Variants in PHACTR2 observed in about 807,000 individuals in gnomAD.
PHACTR2 encodes chromosome 6 open reading frame 56.
Under a neutral mutation model 76.0 loss-of-function variants are expected in PHACTR2, and 30 were observed. The observed-to-expected ratio is 0.39, with a 90% CI of 0.30 to 0.54. The LOEUF (loss-of-function observed/expected upper bound fraction) is 0.54. PHACTR2 is among the 20% of genes least tolerant of loss of function. The pLI, the probability that PHACTR2 is intolerant of heterozygous loss-of-function variation, is 0.61. For synonymous variants in PHACTR2, 292 were observed against 292.5 expected (o/e 1.00, Z 0.02); for missense variants, 696 against 781.1 (o/e 0.89, Z 1.30).
At chr6:143,538,195 C>G (rs902792468) in intron 1 of PHACTR2, among the ~76,000 whole-genome samples, 10 of 152,338 alleles carry the variant, frequency 6.6e-5, no homozygotes, top group African/African-American at 2.2e-4. Flanking sequence ...GCCCCGTGCA[C>G]CGGGACCGAC....
rs898199645 is a variant in PHACTR2, at chr6:143,783,388, T to C, written c.1707+108T>C. 10 of 642,858 alleles carry C rather than the reference T, an allele frequency of 1.6e-5. No individual in the cohort carries two copies. The highest frequency in any genetic ancestry group is 4.3e-4 in the Middle Eastern group (1 of 2,344). The allele number at this position is 642,858 out of a possible 1,614,324, so 39.8% of individuals were successfully genotyped here. ...AAATCAGATGTTTAGAAATAATTAT[T>C]CCTATTAGTCTATAATCATAGACAT... On this transcript the variant is annotated intron_variant, in intron 10 of 12. Coordinates refer to ENST00000440869, the MANE Select transcript of PHACTR2 (RefSeq NM_001100164.2). The surrounding 1 kb of genome is among the most constrained non-coding windows in gnomAD (Gnocchi z 5.2).
In PHACTR2 at chr6:143,689,658, A is replaced by G. The variant is rs1270091674; in HGVS notation, c.46+11449A>G. ...CCCATTTCAGAATCATACATTTCCT[A>G]TTATTTCCCATTTTCCCATTTTCTC... On this transcript the variant is annotated intron_variant, in intron 1 of 12. Coordinates refer to ENST00000440869, the MANE Select transcript of PHACTR2 (RefSeq NM_001100164.2). This position sits in a 1 kb window ranked among gnomAD's most constrained non-coding sequence, Gnocchi z 4.4. Among the ~76,000 whole-genome samples, 1 of 148,714 alleles carries G rather than the reference A, an allele frequency of 6.7e-6. No homozygotes were observed. The highest frequency in any genetic ancestry group is 2.5e-5 in the African/African-American group (1 of 40,288).
In PHACTR2 at chr6:143,791,882, A is replaced by G. The variant is rs1376295986; in HGVS notation, c.1845+2972A>G. ...CTACCTTAGTACTATGAATTGAAGCAGCAAACCTCTGTGATGTTTAGCTGA... is the reference window on the plus strand; with the variant it reads ...CTACCTTAGTACTATGAATTGAAGCGGCAAACCTCTGTGATGTTTAGCTGA... On this transcript the variant is annotated intron_variant, in intron 11 of 12. Transcript: ENST00000440869. This position sits in a 1 kb window ranked among gnomAD's most constrained non-coding sequence, Gnocchi z 4.7. 6.6e-6 allele frequency among the ~76,000 whole-genome samples: 1 copy of G among 152,230 alleles called. No individual in the cohort carries two copies. The highest frequency in any genetic ancestry group is 1.5e-5 in the Non-Finnish European group (1 of 68,032).
At position 143,613,122 on chromosome 6, in the gene PHACTR2, G is replaced by C. The variant is rs1447149716; in HGVS notation, c.13+4800G>C. On this transcript the variant is annotated intron_variant, in intron 1 of 11. Coordinates refer to the PHACTR2 transcript ENST00000305766. ...CTCCCGAGTAGCTGGGACTACAGGC[G>C]CCTGCCCCCATGCCCGGCTAATTTT... is the stretch of plus-strand genomic sequence containing the variant. Among the ~76,000 whole-genome samples, 3 of 152,096 alleles carry C rather than the reference G, an allele frequency of 2.0e-5. No homozygotes were observed. The South Asian group carries it at 6.2e-4, about 31-fold the overall frequency.
chr6:143,545,954 C>T (rs117827096), intron 1 of PHACTR2, among the ~76,000 whole-genome samples: 22 of 152,284 alleles, frequency 1.4e-4, no homozygotes, highest in Admixed American at 1.3e-4. Context: ...TTCAGGCTAG[C>T]ACATTTCGGT....
At chr6:143,626,858 G>C (rs112641345) in intron 1 of PHACTR2, among the ~76,000 whole-genome samples, 1,623 of 152,212 alleles carry the variant, frequency 0.011, 20 homozygotes, top group African/African-American at 0.037. Flanking sequence ...TTTTCTTTCA[G>C]CTATCACATT....
In PHACTR2 at chr6:143,656,646, C is replaced by T. The variant is rs543453144; in HGVS notation, c.13+48324C>T. On this transcript the variant is annotated intron_variant, in intron 1 of 11. Coordinates refer to the PHACTR2 transcript ENST00000305766. This position sits in a 1 kb window ranked among gnomAD's most constrained non-coding sequence, Gnocchi z 5.3. ...GAATATTGTAGTTGAGTAAATATTA[C>T]ACCCGGTGTGTTGATTAATGAATAG... Among the ~76,000 whole-genome samples the T allele has an allele frequency of 1.3e-5, 2 of 152,166 alleles. No homozygotes were observed. The highest frequency in any genetic ancestry group is 2.9e-5 in the Non-Finnish European group (2 of 68,000).
At position 143,608,763 on chromosome 6, in the gene PHACTR2, C is replaced by A. The variant is rs1775930738; in HGVS notation, c.13+441C>A. Among the ~76,000 whole-genome samples, 1 of 152,170 alleles carries A rather than the reference C, an allele frequency of 6.6e-6. No homozygotes were observed. The highest frequency in any genetic ancestry group is 1.5e-5 in the Non-Finnish European group (1 of 68,032). On this transcript the variant is annotated intron_variant, in intron 1 of 11. Coordinates refer to the PHACTR2 transcript ENST00000305766. This position sits in a 1 kb window ranked among gnomAD's most constrained non-coding sequence, Gnocchi z 4.6. ...TAAGAGCTCTTTGGTCTGATGCTTT[C>A]ATCTTCACGTTAGGATGCAATGTCG...
chr6:143,681,312 A>G (rs182119916), intron 1 of PHACTR2, among the ~76,000 whole-genome samples: 38 of 152,230 alleles, frequency 2.5e-4, no homozygotes, highest in Admixed American at 5.9e-4. Context: ...GTGTGAAGTT[A>G]TATCTCATGG....
rs1779423446 is a variant in PHACTR2, at chr6:143,760,773, C to T, written c.694+133C>T. 4.0e-6 allele frequency: 4 copies of T among 1,009,822 alleles called. No individual in the cohort carries two copies. Among genetic ancestry groups the T allele is most frequent in the Non-Finnish European group, 5.7e-6 (4 of 706,286 alleles). 62.6% of individuals were successfully genotyped at this position (1,009,822 alleles called of 1,614,324 possible). A position where few individuals can be genotyped will look rare whatever the true frequency, so the allele number is the denominator to read the frequency against. On this transcript the variant is annotated intron_variant, in intron 5 of 12. Transcript: ENST00000440869. This position sits in a 1 kb window ranked among gnomAD's most constrained non-coding sequence, Gnocchi z 6.4. ...TACACCAGCAGGTTCAGCTTTGACACAAAGAATGCCCAGGAGATTCCTTTG... is the reference window on the plus strand; with the variant it reads ...TACACCAGCAGGTTCAGCTTTGACATAAAGAATGCCCAGGAGATTCCTTTG...
At chr6:143,813,683 A>ATTC (rs1264292379) in intron 12 of PHACTR2, among the ~76,000 whole-genome samples, 1 of 151,934 alleles carries the variant, frequency 6.6e-6, no homozygotes. Flanking sequence ...AACTTCAAAA[A>ATTC]TTCTTAGTGC....
At position 143,541,073 on chromosome 6, in the gene PHACTR2, A is replaced by T. The variant is rs1397568080; in HGVS notation, c.217+3866A>T. 6.6e-6 allele frequency among the ~76,000 whole-genome samples: 1 copy of T among 152,244 alleles called. No homozygotes were observed. Among genetic ancestry groups the T allele is most frequent in the East Asian group, 1.9e-4 (1 of 5,204 alleles). On this transcript the variant is annotated intron_variant, in intron 1 of 11. Transcript: ENST00000367584. The surrounding 1 kb of genome is among the most constrained non-coding windows in gnomAD (Gnocchi z 5.3). ...CCTGAGTAGCTGGTGTTATAGGCGC[A>T]TGCCACTGCTCCCAGCCTTGGATTT...
Position 143,654,821 on chromosome 6 carries a change from T to C in PHACTR2, c.13+46499T>C, listed in dbSNP as rs2128446940. ...CTTGTCTCTACAAATAAACAAAAAC[T>C]AAATGAAGTATTGATACATGCCACA... On this transcript the variant is annotated intron_variant, in intron 1 of 11. Transcript: ENST00000305766. The surrounding 1 kb of genome is among the most constrained non-coding windows in gnomAD (Gnocchi z 4.6). Among the ~76,000 whole-genome samples, 1 of 151,842 alleles carries C rather than the reference T, an allele frequency of 6.6e-6. No homozygotes were observed. The highest frequency in any genetic ancestry group is 6.6e-5 in the Admixed American group (1 of 15,244).
chr6:143,607,029 A>G (rs904193860), upstream of PHACTR2, among the ~76,000 whole-genome samples: 2 of 152,232 alleles, frequency 1.3e-5, no homozygotes, highest in African/African-American at 4.8e-5. Context: ...ACTTAAACCT[A>G]GAAGCTGTTA....
In PHACTR2 at chr6:143,783,051, G is replaced by T. The variant is rs539035595; in HGVS notation, c.1646-168G>T. On this transcript the variant is annotated intron_variant, in intron 9 of 12. Coordinates refer to ENST00000440869, the MANE Select transcript of PHACTR2 (RefSeq NM_001100164.2). This position sits in a 1 kb window ranked among gnomAD's most constrained non-coding sequence, Gnocchi z 5.2. Reference sequence around the variant, plus strand: ...TGTGTGTGTGTATGTGTGTGTGTGTGTAAGATGATCAACCTTCCTACAAAA... The same window carrying T: ...TGTGTGTGTGTATGTGTGTGTGTGTTTAAGATGATCAACCTTCCTACAAAA... Among the ~76,000 whole-genome samples the T allele has an allele frequency of 9.9e-5, 15 of 151,692 alleles. No homozygotes were observed. Among genetic ancestry groups the T allele is most frequent in the Non-Finnish European group, 2.2e-4 (15 of 67,858 alleles).
At chr6:143,756,863 C>G (rs921091806) in intron 4 of PHACTR2, among the ~76,000 whole-genome samples, 1 of 152,134 alleles carries the variant, frequency 6.6e-6, no homozygotes, top group African/African-American at 2.4e-5. Flanking sequence ...GCCTGGCCAA[C>G]AGGGCAAAGC....
intron 1 of PHACTR2, among the ~76,000 whole-genome samples, chr6:143,544,891 A>G (rs1781209491): frequency 6.6e-6 from 1 of 152,174 alleles, no homozygotes; most frequent in Admixed American, 6.5e-5. Flanking sequence ...ATGTGTAAAT[A>G]GAAGATTGGG....
rs569365882 is a variant in PHACTR2, at chr6:143,819,875, G to T, written c.1923-3799G>T. ...TGCTATAAAGAAATACCTGAGACTAGGTAATTTATAAGAAAACAGGTTTAA... is the reference window on the plus strand; with the variant it reads ...TGCTATAAAGAAATACCTGAGACTATGTAATTTATAAGAAAACAGGTTTAA... On this transcript the variant is annotated intron_variant, in intron 12 of 12. Coordinates refer to ENST00000440869, the MANE Select transcript of PHACTR2 (RefSeq NM_001100164.2). The surrounding 1 kb of genome is among the most constrained non-coding windows in gnomAD (Gnocchi z 5.0). Among the ~76,000 whole-genome samples, 1 of 152,238 alleles carries T rather than the reference G, an allele frequency of 6.6e-6. No homozygotes were observed. Among genetic ancestry groups the T allele is most frequent in the African/African-American group, 2.4e-5 (1 of 41,550 alleles).
chr6:143,721,650 T>G (rs1041832150), intron 2 of PHACTR2, among the ~76,000 whole-genome samples: 1 of 152,036 alleles, frequency 6.6e-6, no homozygotes, highest in Non-Finnish European at 1.5e-5. Flanking sequence ...TGTGTGTGTG[T>G]GTGTGTCTGT....
Sources: allele counts gnomAD v4.1 joint callset (sites outside exome capture counted in the v4.1 genomes callset), GRCh38; gene constraint gnomAD v4.1.1; non-coding constraint Gnocchi (gnomAD v3.1); transcripts MANE v1.5; gene names NCBI Gene and HGNC (gene_info 2026-07-23, HGNC 2026-07-21).